The following SLCO3A1 variants were observed in gnomAD, a reference collection of about 807,000 sequenced individuals.
SLCO3A1 encodes solute carrier organic anion transporter family member 3A1.
SLCO3A1 carries 27 observed loss-of-function variants against 63.1 expected under a neutral mutation model. That is an observed-to-expected ratio of 0.43 (90% confidence interval 0.32 to 0.59). The LOEUF (loss-of-function observed/expected upper bound fraction) is 0.59, where lower values mean the gene tolerates loss of function less well. Among genes scored for constraint, SLCO3A1 ranks in the 20% least tolerant of loss-of-function variants. The pLI, the probability that SLCO3A1 is intolerant of heterozygous loss-of-function variation, is 0.09. For missense variants in SLCO3A1, 773 were observed against 945.8 expected, an observed-to-expected ratio of 0.82 and a Z score of 2.40; for synonymous variants, 473 against 409.9, an observed-to-expected ratio of 1.15 and a Z score of -1.86.
chr15:92,041,411 T>C (rs1041198982), intron 2 of SLCO3A1, among the ~76,000 whole-genome samples: 1 of 152,194 alleles, frequency 6.6e-6, no homozygotes, highest in African/African-American at 2.4e-5. Context: ...ATGAATCACA[T>C]GGTTGCCAAA....
chr15:92,122,550 T>A (rs986419165), intron 5 of SLCO3A1, among the ~76,000 whole-genome samples: 2 of 152,182 alleles, frequency 1.3e-5, no homozygotes, highest in East Asian at 1.9e-4. Flanking sequence ...ACTTGGCCAG[T>A]GGGAATGCAA....
intron 2 of SLCO3A1, among the ~76,000 whole-genome samples, chr15:92,086,362 A>C (rs775796319): frequency 3.9e-5 from 6 of 152,178 alleles, no homozygotes; most frequent in Non-Finnish European, 5.9e-5. Context: ...TCTGAATTCT[A>C]ATGAGACTGA....
chr15:92,066,829 G>C (rs2047157992), intron 2 of SLCO3A1, among the ~76,000 whole-genome samples: 1 of 152,196 alleles, frequency 6.6e-6, no homozygotes, highest in Non-Finnish European at 1.5e-5. Flanking sequence ...GTGAGGACTT[G>C]TTGTGGCCGT....
chr15:91,960,729 C>G (rs74995085), intron 2 of SLCO3A1, among the ~76,000 whole-genome samples: 3 of 152,158 alleles, frequency 2.0e-5, no homozygotes, highest in Non-Finnish European at 4.4e-5. Flanking sequence ...TACAGGTTGT[C>G]TCTTATCCAA....
intron 3 of SLCO3A1, among the ~76,000 whole-genome samples, chr15:92,095,437 G>C (rs1433256662): frequency 6.6e-6 from 1 of 152,220 alleles, no homozygotes; most frequent in Non-Finnish European, 1.5e-5. Flanking sequence ...GGGTCAATGA[G>C]ACAGAATATT....
At chr15:92,087,513 A>ATTTTT (rs1454617874) in intron 2 of SLCO3A1, among the ~76,000 whole-genome samples, 2 of 136,618 alleles carry the variant, frequency 1.5e-5, no homozygotes, top group African/African-American at 5.9e-5. Context: ...TTTATTATCT[A>ATTTTT]TTATTTTTTT....
downstream of SLCO3A1, among the ~76,000 whole-genome samples, chr15:92,169,341 TACCTCCCTACCAGGTAAGACACGAGGG>T (rs2048509378): frequency 6.6e-6 from 1 of 152,204 alleles, no homozygotes; most frequent in African/African-American, 2.4e-5. Context: ...CTATGGGTAC[TACCTCCCTACCAGGTAAGACACGAGGG>T]ACCTCCCTCC....
chr15:92,153,392 G>T (rs1555438136), intron 9 of SLCO3A1: 1 of 152,110 alleles, frequency 6.6e-6, no homozygotes, highest in Non-Finnish European at 1.5e-5. Flanking sequence ...TCCAATTAGA[G>T]GCTGGAAAAC....
intron 1 of SLCO3A1, among the ~76,000 whole-genome samples, chr15:91,870,655 G>A (rs1897260646): frequency 6.6e-6 from 1 of 152,260 alleles, no homozygotes; most frequent in South Asian, 2.1e-4. Flanking sequence ...CCAATTGTCT[G>A]TATGTTACAT....
chr15:91,907,324 G>T lies in SLCO3A1; in HGVS notation c.181-8669G>T, dbSNP rs149622695. Among the ~76,000 whole-genome samples, 298 of 152,104 alleles carry T rather than the reference G, an allele frequency of 2.0e-3. 4 individuals are homozygous for T. Among genetic ancestry groups the T allele is most frequent in the African/African-American group, 6.9e-3 (286 of 41,478 alleles). ...GGGTTCAAGCAATTCTCCTGCCTCA[G>T]CCTCCCGAGTAGCTGGGATTACAGG... On this transcript the variant is annotated intron_variant, in intron 1 of 9. Transcript: ENST00000318445.
At chr15:92,081,599 C>T (rs1471508135) in intron 2 of SLCO3A1, among the ~76,000 whole-genome samples, 2 of 152,174 alleles carry the variant, frequency 1.3e-5, no homozygotes, top group African/African-American at 4.8e-5. Context: ...AACTCCTGAC[C>T]TCAGGCGATC....
rs1318766198 is a variant in SLCO3A1, at chr15:91,860,274, G to A, written c.180+6186G>A. ...GGTAGGTGGAAAGAATGTTGGACTT[G>A]GAGTTGGAAGACCTGGATTTGAACT... On this transcript the variant is annotated intron_variant, in intron 1 of 9. Transcript: ENST00000318445. This position sits in a 1 kb window ranked among gnomAD's most constrained non-coding sequence, Gnocchi z 5.5. 6.6e-6 allele frequency among the ~76,000 whole-genome samples: 1 copy of A among 152,154 alleles called. No homozygotes were observed. Among genetic ancestry groups the A allele is most frequent in the Non-Finnish European group, 1.5e-5 (1 of 68,024 alleles).
intron 9 of SLCO3A1, among the ~76,000 whole-genome samples, chr15:92,161,018 G>T (rs907777462): frequency 6.6e-6 from 1 of 152,032 alleles, no homozygotes; most frequent in South Asian, 2.1e-4. Context: ...ATCTCAGAGG[G>T]ACCTTCCTTA....
chr15:91,959,402 C>T (rs969747987), intron 2 of SLCO3A1, among the ~76,000 whole-genome samples: 1 of 147,486 alleles, frequency 6.8e-6, no homozygotes, highest in Non-Finnish European at 1.5e-5. Flanking sequence ...AATGAAAAAC[C>T]ACTGGTACTC....
chr15:92,101,387 T>C (rs2047602900), intron 3 of SLCO3A1, among the ~76,000 whole-genome samples: 1 of 152,032 alleles, frequency 6.6e-6, no homozygotes, highest in Non-Finnish European at 1.5e-5. Flanking sequence ...TGGGCACCTG[T>C]AATCTCAGCT....
At position 91,981,910 on chromosome 15, in the gene SLCO3A1, C is replaced by A. The variant is rs1422758805; in HGVS notation, c.646+65452C>A. 2.6e-5 allele frequency among the ~76,000 whole-genome samples: 4 copies of A among 152,382 alleles called. No homozygotes were observed. In the East Asian group the frequency reaches 5.8e-4, roughly 22 times the overall value. The stretch of plus-strand genomic sequence containing the variant: ...TGCCCAAAGTTGATGCCCATGGACC[C>A]TCAAAGCAGCTGCTTGCTGGTGAGC... On this transcript the variant is annotated intron_variant, in intron 2 of 9. Transcript: ENST00000318445.
At chr15:92,030,027 G>C (rs542103116) in intron 2 of SLCO3A1, among the ~76,000 whole-genome samples, 2 of 152,120 alleles carry the variant, frequency 1.3e-5, no homozygotes, top group Admixed American at 1.3e-4. Context: ...CTACATTTTC[G>C]TAACAGTTGG....
chr15:92,118,427 G>T (rs1014840610), intron 4 of SLCO3A1, among the ~76,000 whole-genome samples: 5 of 152,164 alleles, frequency 3.3e-5, no homozygotes, highest in East Asian at 1.9e-4. Context: ...CTGATCTTCT[G>T]TGTAGATTTT....
intron 2 of SLCO3A1, among the ~76,000 whole-genome samples, chr15:91,976,732 A>G (rs1033149652): frequency 2.0e-5 from 3 of 152,126 alleles, no homozygotes; most frequent in African/African-American, 7.2e-5. Flanking sequence ...GAGACATCAC[A>G]TGTTGGTAGG....
Sources: gnomAD v4.1 joint callset for allele counts (sites outside exome capture counted in the v4.1 genomes callset) on GRCh38, gnomAD v4.1.1 for gene constraint, Gnocchi (gnomAD v3.1) non-coding constraint, MANE v1.5 for transcripts, NCBI Gene and HGNC (gene_info 2026-07-23, HGNC 2026-07-21) for gene names.